Variants in GNG2 observed in about 807,000 individuals in gnomAD.
GNG2 encodes guanine nucleotide-binding protein G(I)/G(S)/G(O) subunit gamma-2.
In GNG2, 5 loss-of-function variants were observed where a neutral mutation model predicts 5.5. That is an observed-to-expected ratio of 0.91 (90% CI 0.48 to 1.92). The LOEUF (loss-of-function observed/expected upper bound fraction) is 1.92. Ranked by LOEUF, GNG2 falls within the 30% of genes most tolerant of loss-of-function variation. GNG2 has a pLI of 0.01. For missense variants in GNG2, 55 were observed against 88.4 expected (o/e 0.62, Z 1.52); for synonymous variants, 28 against 32.0 (o/e 0.88, Z 0.42).
intron 3 of GNG2, chr14:51,951,977 C>T (rs1032721109): frequency 3.1e-5 from 21 of 683,938 alleles, no homozygotes; most frequent in Admixed American, 4.5e-5. Context: ...GACCAATTAC[C>T]GAACCACACC....
chr14:51,874,855 G>T (rs999405249), intron 1 of GNG2, among the ~76,000 whole-genome samples: 1 of 151,986 alleles, frequency 6.6e-6, no homozygotes, highest in Admixed American at 6.6e-5. Flanking sequence ...TATAGATTTC[G>T]TTTTTCCTCT....
intron 2 of GNG2, among the ~76,000 whole-genome samples, chr14:51,898,011 G>T (rs1250094585): frequency 6.6e-6 from 1 of 152,182 alleles, no homozygotes. Flanking sequence ...TCTCTAGAGG[G>T]TTCATGCTCT....
intron 2 of GNG2, among the ~76,000 whole-genome samples, chr14:51,845,711 A>G (rs752679377): frequency 2.4e-4 from 36 of 152,270 alleles, no homozygotes; most frequent in Non-Finnish European, 3.5e-4. Flanking sequence ...GAGAAGTCCC[A>G]TGGTAAATAA....
intron 2 of GNG2, among the ~76,000 whole-genome samples, chr14:51,852,802 C>T (rs1189702622): frequency 1.3e-5 from 2 of 152,246 alleles, no homozygotes; most frequent in African/African-American, 4.8e-5. Context: ...AAGTGTTTTG[C>T]ATCACTGCAA....
chr14:51,881,701 C>CTTTTTTTTTTTTTTT (rs58544362), intron 2 of GNG2, among the ~76,000 whole-genome samples: 6 of 104,222 alleles, frequency 5.8e-5, no homozygotes, highest in African/African-American at 2.2e-4. Flanking sequence ...AGCTGGAAGA[C>CTTTTTTTTTTTTTTT]TTTTTTTTTT....
chr14:51,850,214 A>G (rs1881842429), intron 2 of GNG2, among the ~76,000 whole-genome samples: 1 of 151,088 alleles, frequency 6.6e-6, no homozygotes, highest in Non-Finnish European at 1.5e-5. Context: ...TGTTTTTTGC[A>G]CTCCCACCCT....
At chr14:51,902,811 C>A (rs1885655125) in intron 2 of GNG2, among the ~76,000 whole-genome samples, 1 of 152,120 alleles carries the variant, frequency 6.6e-6, no homozygotes, top group Non-Finnish European at 1.5e-5. Flanking sequence ...TCATTTGAGT[C>A]TGGCAGGTCG....
chr14:51,846,331 T>A (rs1274187653), intron 2 of GNG2, among the ~76,000 whole-genome samples: 1 of 152,194 alleles, frequency 6.6e-6, no homozygotes, highest in African/African-American at 2.4e-5. Context: ...AGATGGATAA[T>A]ACCTAGGTTA....
intron 3 of GNG2, among the ~76,000 whole-genome samples, chr14:51,959,043 T>C (rs1236894438): frequency 6.6e-6 from 1 of 151,900 alleles, no homozygotes; most frequent in Non-Finnish European, 1.5e-5. Flanking sequence ...TGAAACACTT[T>C]CTTTATTTGC....
intron 2 of GNG2, among the ~76,000 whole-genome samples, chr14:51,830,957 A>G (rs1395198532): frequency 4.6e-5 from 7 of 152,092 alleles, no homozygotes; most frequent in Admixed American, 3.9e-4. Flanking sequence ...TCTCCACCCT[A>G]TTTGTCTCCA....
chr14:51,960,005 A>T (rs1240117537), intron 3 of GNG2, among the ~76,000 whole-genome samples: 1 of 152,124 alleles, frequency 6.6e-6, no homozygotes, highest in East Asian at 1.9e-4. Context: ...GAGTTACTTG[A>T]ACCTGTGGAT....
At chr14:51,901,865 T>C (rs1464994038) in intron 2 of GNG2, among the ~76,000 whole-genome samples, 1 of 148,880 alleles carries the variant, frequency 6.7e-6, no homozygotes, top group East Asian at 2.0e-4. Flanking sequence ...ACTGTCAGTA[T>C]AACAGTGAAG....
Position 51,835,986 on chromosome 14 carries a change from C to T in GNG2, c.64+8179C>T, listed in dbSNP as rs572735390. 5.3e-5 allele frequency among the ~76,000 whole-genome samples: 8 copies of T among 151,408 alleles called. No individual in the cohort carries two copies. The South Asian group carries it at 1.7e-3, about 32-fold the overall frequency. On this transcript the variant is annotated intron_variant, in intron 2 of 3. Coordinates refer to the GNG2 transcript ENST00000553432. ...GGGATGCTATACAGAACACTATAGA[C>T]TGGGTGACTTAAACAATAGAAATTT...
chr14:51,835,887 G>C (rs73289333), intron 2 of GNG2, among the ~76,000 whole-genome samples: 1 of 152,014 alleles, frequency 6.6e-6, no homozygotes, highest in Admixed American at 6.6e-5. Flanking sequence ...TAAATGTCCA[G>C]TCTTAGAAGT....
At chr14:51,922,078 A>C (rs1157909726) in intron 2 of GNG2, among the ~76,000 whole-genome samples, 1 of 152,198 alleles carries the variant, frequency 6.6e-6, no homozygotes, top group Non-Finnish European at 1.5e-5. Flanking sequence ...AACTAATAAG[A>C]CTTTTACATT....
chr14:51,942,840 A>G (rs1315718015), intron 2 of GNG2, among the ~76,000 whole-genome samples: 1 of 152,058 alleles, frequency 6.6e-6, no homozygotes, highest in Non-Finnish European at 1.5e-5. Context: ...ATTCCATGCT[A>G]TACCATGGTT....
chr14:51,946,034 A>C (rs1428543613), intron 2 of GNG2, among the ~76,000 whole-genome samples: 1 of 152,236 alleles, frequency 6.6e-6, no homozygotes, highest in Admixed American at 6.5e-5. Flanking sequence ...GAAAGCATGG[A>C]TGCACATGTG....
intron 1 of GNG2, chr14:51,827,565 G>C (rs1041415841): frequency 4.8e-6 from 3 of 626,278 alleles, no homozygotes; most frequent in Non-Finnish European, 8.6e-6. Context: ...ATGTCATACA[G>C]TTCCAGACTA....
At chr14:51,910,901 G>T (rs1886251434) in intron 2 of GNG2, among the ~76,000 whole-genome samples, 2 of 152,204 alleles carry the variant, frequency 1.3e-5, no homozygotes, top group African/African-American at 4.8e-5. Context: ...GACATAATAT[G>T]GGTCACCTGT....
Sources: allele counts gnomAD v4.1 joint callset (sites outside exome capture counted in the v4.1 genomes callset), GRCh38; gene constraint gnomAD v4.1.1; transcripts MANE v1.5; gene names NCBI Gene and HGNC (gene_info 2026-07-23, HGNC 2026-07-21).